The following PITPNC1 variants were observed in gnomAD, a reference collection of about 807,000 sequenced individuals.
PITPNC1 encodes cytoplasmic phosphatidylinositol transfer protein 1.
PITPNC1 carries 18 observed loss-of-function variants against 44.7 expected under a neutral mutation model. That is an observed-to-expected ratio of 0.40 (90% CI 0.28 to 0.60). PITPNC1 has a LOEUF of 0.60. Among genes scored for constraint, PITPNC1 ranks in the 20% least tolerant of loss-of-function variants. PITPNC1 has a pLI of 0.39. For missense variants in PITPNC1, 290 were observed against 418.4 expected, an observed-to-expected ratio of 0.69 and a Z score of 2.68; for synonymous variants, 141 against 149.6, an observed-to-expected ratio of 0.94 and a Z score of 0.42.
Position 67,693,146 on chromosome 17 carries a change from G to A in PITPNC1, c.*258G>A. ...AACCACATAGCTGTATGCCAGAGAG[G>A]AAGCCTTGTTATTGGGCATTTGATG... On this transcript the variant is annotated 3_prime_UTR_variant, in exon 9 of 9. Transcript: ENST00000581322. The A allele has an allele frequency of 2.6e-6, 1 of 381,922 alleles. No homozygotes were observed. Among genetic ancestry groups the A allele is most frequent in the South Asian group, 7.0e-5 (1 of 14,288 alleles). 23.7% of individuals were successfully genotyped at this position (381,922 alleles called of 1,614,324 possible).
intron 1 of PITPNC1, among the ~76,000 whole-genome samples, chr17:67,467,537 C>G (rs940110452): frequency 1.3e-5 from 2 of 152,148 alleles, no homozygotes; most frequent in Admixed American, 1.3e-4. Flanking sequence ...TTGAGTGGCT[C>G]TCGCAAAATT....
intron 1 of PITPNC1, among the ~76,000 whole-genome samples, chr17:67,421,076 C>T (rs555921881): frequency 6.6e-6 from 1 of 152,198 alleles, no homozygotes; most frequent in Admixed American, 6.5e-5. Context: ...CAGGAGATCT[C>T]TGCGCATTCC....
intron 1 of PITPNC1, among the ~76,000 whole-genome samples, chr17:67,414,173 C>T (rs1275057870): frequency 6.6e-6 from 1 of 151,176 alleles, no homozygotes; most frequent in Non-Finnish European, 1.5e-5. Context: ...GTTTTCAAAC[C>T]ATGGCCAAGT....
intron 4 of PITPNC1, among the ~76,000 whole-genome samples, chr17:67,572,752 C>CAAAA: frequency 1.0e-5 from 1 of 99,710 alleles, no homozygotes; most frequent in East Asian, 2.8e-4. Flanking sequence ...GTACCATGGC[C>CAAAA]AAAAAAAAAA....
At chr17:67,578,391 C>A in intron 5 of PITPNC1, 134 bp downstream of exon 5, 1 of 639,486 alleles carries the variant, frequency 1.6e-6, no homozygotes, top group Admixed American at 2.7e-5. Flanking sequence ...TGGCCTTTGG[C>A]TTCTGAGGGT....
At chr17:67,667,490 C>CAAAAAAA (rs71139168) in intron 6 of PITPNC1, among the ~76,000 whole-genome samples, 1,750 of 106,766 alleles carry the variant, frequency 0.016, 67 homozygotes, top group African/African-American at 0.033. Context: ...GATCCTTTCT[C>CAAAAAAA]AAAAAAAAAA....
At chr17:67,579,887 C>A (rs554062795) in intron 5 of PITPNC1, among the ~76,000 whole-genome samples, 1 of 151,056 alleles carries the variant, frequency 6.6e-6, no homozygotes, top group East Asian at 1.9e-4. Flanking sequence ...TTGCAGTGAG[C>A]GCAGATCGCG....
chr17:67,538,070 T>C (rs2040554142), intron 2 of PITPNC1, among the ~76,000 whole-genome samples: 1 of 152,052 alleles, frequency 6.6e-6, no homozygotes, highest in Admixed American at 6.6e-5. Flanking sequence ...GATATCATTA[T>C]AAAGCTAATT....
chr17:67,469,071 ATGTC>A (rs2039474623), intron 1 of PITPNC1, among the ~76,000 whole-genome samples: 1 of 152,140 alleles, frequency 6.6e-6, no homozygotes, highest in African/African-American at 2.4e-5. Flanking sequence ...ATCTGGGAGA[ATGTC>A]TGGATGAAAC....
intron 4 of PITPNC1, among the ~76,000 whole-genome samples, chr17:67,560,459 CAA>C (rs1370780954): frequency 5.9e-5 from 9 of 152,202 alleles, no homozygotes; most frequent in Non-Finnish European, 1.2e-4. Context: ...CCTTTTCAAG[CAA>C]AGTCAGTTCT....
At chr17:67,422,058 C>G (rs1263044749) in intron 1 of PITPNC1, among the ~76,000 whole-genome samples, 1 of 152,126 alleles carries the variant, frequency 6.6e-6, no homozygotes, top group Non-Finnish European at 1.5e-5. Flanking sequence ...GCAAGGTGAG[C>G]TGGTGTGACT....
At chr17:67,495,997 T>A in intron 1 of PITPNC1, among the ~76,000 whole-genome samples, 1 of 152,228 alleles carries the variant, frequency 6.6e-6, no homozygotes, top group East Asian at 1.9e-4. Context: ...GACCATTTTT[T>A]ATTTATTTTT....
chr17:67,505,684 C>T (rs571397530), intron 1 of PITPNC1, among the ~76,000 whole-genome samples: 1 of 152,152 alleles, frequency 6.6e-6, no homozygotes, highest in Admixed American at 6.5e-5. Flanking sequence ...ACCGTGTTAG[C>T]CAGGCTGGTC....
At chr17:67,520,189 C>G (rs2040307437) in intron 1 of PITPNC1, among the ~76,000 whole-genome samples, 1 of 152,142 alleles carries the variant, frequency 6.6e-6, no homozygotes, top group Middle Eastern at 3.2e-3. Context: ...AACAACGGTT[C>G]TTTTCATCCT....
chr17:67,587,542 G>C (rs1244428757), intron 5 of PITPNC1, among the ~76,000 whole-genome samples: 1 of 152,160 alleles, frequency 6.6e-6, no homozygotes, highest in African/African-American at 2.4e-5. Flanking sequence ...CTGGCATTCA[G>C]AGAGGGATGT....
At chr17:67,473,867 C>T (rs2039587471) in intron 1 of PITPNC1, among the ~76,000 whole-genome samples, 1 of 152,168 alleles carries the variant, frequency 6.6e-6, no homozygotes, top group Non-Finnish European at 1.5e-5. Context: ...GTAATGTTCT[C>T]CTGGTGATTT....
chr17:67,396,561 G>A (rs143582113), intron 1 of PITPNC1, among the ~76,000 whole-genome samples: 1,520 of 151,768 alleles, frequency 0.01, 22 homozygotes, highest in African/African-American at 0.034. Context: ...GTAGGGACGG[G>A]GTTTCATCAT....
At chr17:67,645,318 G>A (rs2042135547) in intron 6 of PITPNC1, among the ~76,000 whole-genome samples, 1 of 147,564 alleles carries the variant, frequency 6.8e-6, no homozygotes, top group South Asian at 2.1e-4. Context: ...TCCAGCCTGG[G>A]CAACAAGAGC....
intron 5 of PITPNC1, among the ~76,000 whole-genome samples, chr17:67,631,179 C>A (rs2041962411): frequency 6.6e-6 from 1 of 150,706 alleles, no homozygotes. Context: ...CAAGCTTTAC[C>A]TTGTTACCTT....
Sources: gnomAD v4.1 joint callset for allele counts (sites outside exome capture counted in the v4.1 genomes callset) on GRCh38, gnomAD v4.1.1 for gene constraint, MANE v1.5 for transcripts, NCBI Gene and HGNC (gene_info 2026-07-23, HGNC 2026-07-21) for gene names.